RFX3: variants seen among roughly 807,000 people sequenced by gnomAD.
RFX3 encodes regulatory factor X3, also known as transcription factor RFX3.
RFX3 carries 14 observed loss-of-function variants against 98.6 expected under a neutral mutation model. The observed-to-expected ratio is 0.14, with a 90% CI of 0.09 to 0.22. The LOEUF (loss-of-function observed/expected upper bound fraction) is 0.22, where lower values mean the gene tolerates loss of function less well. RFX3 is among the 10% of genes least tolerant of loss of function. The probability of loss-of-function intolerance (pLI) is 1.00; values close to 1 mark genes in which losing one functional copy is unlikely to be tolerated. For synonymous variants in RFX3, 383 were observed against 328.4 expected (o/e 1.17, Z -1.80); for missense variants, 639 against 926.9 (o/e 0.69, Z 4.03).
At chr9:3,467,974 G>C (rs1017458584) in intron 1 of RFX3, among the ~76,000 whole-genome samples, 1 of 152,156 alleles carries the variant, frequency 6.6e-6, no homozygotes, top group African/African-American at 2.4e-5. Context: ...GGGAACAAAA[G>C]AAAGCCAGAA....
Position 3,331,113 on chromosome 9 carries a change from T to C in RFX3, c.216-596A>G, listed in dbSNP as rs187770351. The stretch of plus-strand genomic sequence containing the variant: ...AAGCTCCTCCTTTATAAGATGACTA[T>C]TCTAACTCTTCATGTCCTCACTTTC... On this transcript the variant is annotated intron_variant, in intron 3 of 16. Transcript: ENST00000617270. Among the ~76,000 whole-genome samples, 512 of 152,318 alleles carry C rather than the reference T, an allele frequency of 3.4e-3. 1 individual carries two copies. The highest frequency in any genetic ancestry group is 5.9e-3 in the Non-Finnish European group (404 of 68,028).
At position 3,521,829 on chromosome 9, in the gene RFX3, A is replaced by G. The variant is rs12005927; in HGVS notation, c.-9+3918T>C. Among the ~76,000 whole-genome samples, 1,400 of 152,220 alleles carry G rather than the reference A, an allele frequency of 9.2e-3. 21 individuals are homozygous for G. The highest frequency in any genetic ancestry group is 0.032 in the African/African-American group (1,343 of 41,540). On this transcript the variant is annotated intron_variant, in intron 1 of 16. Transcript: ENST00000617270. ...AAAGTTAACTTGTCATGTTAACCAA[A>G]TTTCACTTTATTCAAATTGGCCTTG...
At position 3,396,288 on chromosome 9, in the gene RFX3, G is replaced by A. The variant is rs185063876; in HGVS notation, c.-8-692C>T. The stretch of plus-strand genomic sequence containing the variant: ...TCCCACCTATGAGTGAGAACATGCG[G>A]TGTTTGGTTTTTTGTCCTTGCAATA... On this transcript the variant is annotated intron_variant, in intron 1 of 16. Coordinates refer to ENST00000617270, the MANE Select transcript of RFX3 (RefSeq NM_001282116.2). Among the ~76,000 whole-genome samples, 4 of 152,142 alleles carry A rather than the reference G, an allele frequency of 2.6e-5. No individual in the cohort carries two copies. The East Asian group carries it at 7.7e-4, about 29-fold the overall frequency.
chr9:3,264,454 T>A (rs1823351453), intron 12 of RFX3, among the ~76,000 whole-genome samples: 1 of 152,138 alleles, frequency 6.6e-6, no homozygotes, highest in Non-Finnish European at 1.5e-5. Context: ...GTTTGAGGAC[T>A]ATTTGGAACT....
chr9:3,340,164 A>G (rs996863357), intron 3 of RFX3, among the ~76,000 whole-genome samples: 5 of 152,232 alleles, frequency 3.3e-5, no homozygotes, highest in African/African-American at 9.6e-5. Context: ...AGGATTCCCT[A>G]TTTAATAAAT....
chr9:3,514,860 C>T (rs370767070), intron 1 of RFX3, among the ~76,000 whole-genome samples: 4 of 152,094 alleles, frequency 2.6e-5, no homozygotes, highest in East Asian at 1.9e-4. Context: ...CACCATGGCA[C>T]GTAAAATACA....
chr9:3,437,535 TAGA>T (rs950638831), intron 1 of RFX3, among the ~76,000 whole-genome samples: 3 of 152,098 alleles, frequency 2.0e-5, no homozygotes, highest in Non-Finnish European at 4.4e-5. Context: ...GAAATCCTCG[TAGA>T]AGAAGGCAAC....
chr9:3,335,947 C>T (rs1372535709), intron 3 of RFX3, among the ~76,000 whole-genome samples: 1 of 152,118 alleles, frequency 6.6e-6, no homozygotes, highest in Non-Finnish European at 1.5e-5. Context: ...TTTATCTTAG[C>T]TATAACCAGT....
At chr9:3,415,403 C>G (rs928829308) in intron 1 of RFX3, among the ~76,000 whole-genome samples, 7 of 151,620 alleles carry the variant, frequency 4.6e-5, no homozygotes, top group African/African-American at 1.7e-4. Flanking sequence ...TTCCACCACA[C>G]CTGGCCAATG....
intron 11 of RFX3, among the ~76,000 whole-genome samples, chr9:3,269,383 C>T (rs1340680176): frequency 6.6e-6 from 1 of 151,990 alleles, no homozygotes; most frequent in Non-Finnish European, 1.5e-5. Context: ...TTCATATTTT[C>T]TAGAATAATT....
At chr9:3,522,583 G>A (rs1818830344) in intron 1 of RFX3, among the ~76,000 whole-genome samples, 1 of 150,434 alleles carries the variant, frequency 6.6e-6, no homozygotes, top group Non-Finnish European at 1.5e-5. Flanking sequence ...GTGTGTGTGT[G>A]TGTGTAACTT....
intron 7 of RFX3, among the ~76,000 whole-genome samples, chr9:3,287,203 T>G (rs1826732185): frequency 6.6e-6 from 1 of 151,910 alleles, no homozygotes; most frequent in South Asian, 2.1e-4. Flanking sequence ...ATCTTAGAGT[T>G]AATGCTTCTG....
In RFX3 at chr9:3,476,320, G is replaced by C. The variant is rs183571776; in HGVS notation, c.-9+49427C>G. 1.6e-4 allele frequency among the ~76,000 whole-genome samples: 24 copies of C among 152,072 alleles called. No individual in the cohort carries two copies. In the East Asian group the frequency reaches 3.7e-3, roughly 23 times the overall value. On this transcript the variant is annotated intron_variant, in intron 1 of 16. Transcript: ENST00000617270. ...TCTTGCCTCGGCATCTGGATGGCTT[G>C]CTGCCCACAGAATATAATCATAAAC...
intron 4 of RFX3, among the ~76,000 whole-genome samples, chr9:3,321,506 C>T (rs1304784887): frequency 5.9e-5 from 9 of 152,134 alleles, no homozygotes; most frequent in African/African-American, 2.2e-4. Flanking sequence ...TTATTTTTCA[C>T]TTCCTTTTCA....
At chr9:3,269,240 T>C (rs186953540) in intron 11 of RFX3, among the ~76,000 whole-genome samples, 143 of 152,126 alleles carry the variant, frequency 9.4e-4, no homozygotes, top group Non-Finnish European at 1.5e-3. Context: ...TGTTTAAGCA[T>C]ACATTTCAAG....
At chr9:3,249,681 T>A (rs1411149897) in intron 14 of RFX3, among the ~76,000 whole-genome samples, 1 of 152,032 alleles carries the variant, frequency 6.6e-6, no homozygotes, top group Non-Finnish European at 1.5e-5. Flanking sequence ...ATAATAAGAA[T>A]AAGCACGGGT....
At chr9:3,232,476 T>A (rs1818599316) in intron 15 of RFX3, among the ~76,000 whole-genome samples, 1 of 152,204 alleles carries the variant, frequency 6.6e-6, no homozygotes, top group Admixed American at 6.5e-5. Flanking sequence ...ACCTAATATA[T>A]GTCTTCCCAA....
chr9:3,505,888 TGA>T, intron 1 of RFX3, among the ~76,000 whole-genome samples: 1 of 151,858 alleles, frequency 6.6e-6, no homozygotes, highest in East Asian at 1.9e-4. Flanking sequence ...TGTTTGAATG[TGA>T]GTTCCTTCAA....
intron 1 of RFX3, among the ~76,000 whole-genome samples, chr9:3,431,220 C>T (rs1166716153): frequency 1.3e-5 from 2 of 152,114 alleles, no homozygotes; most frequent in Non-Finnish European, 2.9e-5. Context: ...TGATCTCTTA[C>T]AGTTCTCACG....
Sources: allele counts gnomAD v4.1 joint callset (sites outside exome capture counted in the v4.1 genomes callset), GRCh38; gene constraint gnomAD v4.1.1; transcripts MANE v1.5; gene names NCBI Gene and HGNC (gene_info 2026-07-23, HGNC 2026-07-21).